DGKI: variants seen among roughly 807,000 people sequenced by gnomAD.
DGKI encodes the protein DAG kinase iota.
DGKI carries 55 observed loss-of-function variants against 147.5 expected under a neutral mutation model. That is an observed-to-expected ratio of 0.37 (90% confidence interval 0.30 to 0.47). The LOEUF (loss-of-function observed/expected upper bound fraction) is 0.47. Among genes scored for constraint, DGKI ranks in the 20% least tolerant of loss-of-function variants. DGKI has a pLI of 1.00. For synonymous variants in DGKI, 469 were observed against 477.1 expected, an observed-to-expected ratio of 0.98 and a Z score of 0.22; for missense variants, 1,007 against 1,323.8, an observed-to-expected ratio of 0.76 and a Z score of 3.71.
intron 10 of DGKI, among the ~76,000 whole-genome samples, chr7:137,603,287 C>T (rs193140553): frequency 3.9e-5 from 6 of 152,154 alleles, no homozygotes; most frequent in Non-Finnish European, 7.3e-5. Flanking sequence ...CATCAATCTT[C>T]ATCAAAGCAC....
At chr7:137,399,681 G>A (rs776652906) in intron 30 of DGKI, among the ~76,000 whole-genome samples, 4 of 152,184 alleles carry the variant, frequency 2.6e-5, no homozygotes, top group African/African-American at 7.2e-5. Flanking sequence ...AGGCCAAGGC[G>A]GGTGGATCAT....
intron 28 of DGKI, among the ~76,000 whole-genome samples, chr7:137,420,397 G>C (rs1383572425): frequency 6.6e-6 from 1 of 152,188 alleles, no homozygotes; most frequent in East Asian, 1.9e-4. Context: ...TTTTTGAAAA[G>C]TACAAACTGT....
chr7:137,756,960 T>C (rs1050920693), intron 1 of DGKI, among the ~76,000 whole-genome samples: 1 of 152,252 alleles, frequency 6.6e-6, no homozygotes, highest in Non-Finnish European at 1.5e-5. Context: ...TCCATATATT[T>C]TGGATGTGTT....
intron 30 of DGKI, among the ~76,000 whole-genome samples, chr7:137,403,621 G>A (rs1172306529): frequency 1.3e-5 from 2 of 152,168 alleles, no homozygotes; most frequent in African/African-American, 2.4e-5. Flanking sequence ...CTGTGCACCT[G>A]GCAAAGAGCC....
intron 1 of DGKI, among the ~76,000 whole-genome samples, chr7:137,724,139 G>T (rs1794652420): frequency 6.6e-6 from 1 of 152,102 alleles, no homozygotes; most frequent in African/African-American, 2.4e-5. Context: ...AACTTGAAAT[G>T]CAAAGTCCCT....
At chr7:137,446,512 G>C (rs1327581521) in intron 27 of DGKI, among the ~76,000 whole-genome samples, 1 of 152,124 alleles carries the variant, frequency 6.6e-6, no homozygotes, top group Admixed American at 6.5e-5. Flanking sequence ...GATCACCTGA[G>C]GTCAGGATTT....
At chr7:137,534,815 T>C (rs1417276797) in intron 20 of DGKI, among the ~76,000 whole-genome samples, 1 of 152,132 alleles carries the variant, frequency 6.6e-6, no homozygotes, top group Non-Finnish European at 1.5e-5. Flanking sequence ...TAAGTTGAAG[T>C]TCTAACCCAT....
At position 137,382,148 on chromosome 7, in the gene DGKI, A is replaced by C. The variant is rs890588656; in HGVS notation, c.*9072T>G. 3 of 152,124 alleles carry C rather than the reference A, an allele frequency of 2.0e-5. No homozygotes were observed. The highest frequency in any genetic ancestry group is 2.9e-5 in the Non-Finnish European group (2 of 68,004). 9.4% of individuals were successfully genotyped at this position (152,124 alleles called of 1,614,324 possible). A position where few individuals can be genotyped will look rare whatever the true frequency, so the allele number is the denominator to read the frequency against. ...AAATTACCTATAAATTTGAAACAAA[A>C]AATAGGGTAAACTGACAGGACTATC... On this transcript the variant is annotated 3_prime_UTR_variant, in exon 33 of 33. Coordinates refer to ENST00000614521, the MANE Select transcript of DGKI (RefSeq NM_001321708.2).
Position 137,401,405 on chromosome 7 carries a change from C to A in DGKI, c.2921-3992G>T, listed in dbSNP as rs539405647. ...AATTAGCTGGGCGTGGTGGTACATG[C>A]CTGTAGTCCCAGCTACTAGGGAGGC... On this transcript the variant is annotated intron_variant, in intron 30 of 32. Transcript: ENST00000614521. Among the ~76,000 whole-genome samples, 232 of 151,742 alleles carry A rather than the reference C, an allele frequency of 1.5e-3. 1 individual carries two copies. Among genetic ancestry groups the A allele is most frequent in the African/African-American group, 5.4e-3 (225 of 41,360 alleles).
chr7:137,599,203 AAGG>A, intron 11 of DGKI, among the ~76,000 whole-genome samples: 1 of 152,276 alleles, frequency 6.6e-6, no homozygotes, highest in African/African-American at 2.4e-5. Context: ...CTCTCCACCA[AAGG>A]AGAGAAGCAG....
At chr7:137,587,252 A>G in intron 12 of DGKI, 42 bp from the exon 13 acceptor site, 1 of 1,476,438 alleles carries the variant, frequency 6.8e-7, no homozygotes, top group African/African-American at 1.4e-5. Context: ...AAGAAAGATA[A>G]ATAAGTTACA....
At chr7:137,480,169 C>T (rs1472478969) in intron 23 of DGKI, among the ~76,000 whole-genome samples, 1 of 152,148 alleles carries the variant, frequency 6.6e-6, no homozygotes, top group Non-Finnish European at 1.5e-5. Context: ...AGACAACAGA[C>T]CTGACCCTAG....
intron 1 of DGKI, among the ~76,000 whole-genome samples, chr7:137,765,781 G>C (rs975358197): frequency 3.3e-5 from 5 of 152,136 alleles, no homozygotes; most frequent in African/African-American, 1.2e-4. Context: ...GGCAGCATAC[G>C]ATACGGAGGC....
chr7:137,457,446 C>A (rs1026136905), intron 27 of DGKI, among the ~76,000 whole-genome samples: 1 of 152,140 alleles, frequency 6.6e-6, no homozygotes, highest in Non-Finnish European at 1.5e-5. Context: ...CAGGCCATAA[C>A]CTAATGTTCC....
intron 1 of DGKI, among the ~76,000 whole-genome samples, chr7:137,836,453 C>T (rs1219172212): frequency 6.6e-6 from 1 of 152,174 alleles, no homozygotes; most frequent in African/African-American, 2.4e-5. Context: ...CCAGACTCTT[C>T]TAAGAATATC....
chr7:137,403,201 A>T (rs1811828189), intron 30 of DGKI, among the ~76,000 whole-genome samples: 1 of 152,172 alleles, frequency 6.6e-6, no homozygotes, highest in South Asian at 2.1e-4. Context: ...TGGAATTATT[A>T]ACTCTTCCTC....
At chr7:137,722,326 A>G in intron 1 of DGKI, 3 of 1,612,728 alleles carry the variant, frequency 1.9e-6, no homozygotes, top group South Asian at 2.2e-5. Flanking sequence ...CAAAATGCCT[A>G]GATATTATCC....
At chr7:137,403,324 A>G (rs1811833388) in intron 30 of DGKI, among the ~76,000 whole-genome samples, 1 of 152,228 alleles carries the variant, frequency 6.6e-6, no homozygotes, top group South Asian at 2.1e-4. Flanking sequence ...CAAGCCGAAA[A>G]AAATTCAAGC....
At chr7:137,516,371 G>T (rs1244768436) in intron 21 of DGKI, among the ~76,000 whole-genome samples, 2 of 152,022 alleles carry the variant, frequency 1.3e-5, no homozygotes, top group Non-Finnish European at 2.9e-5. Context: ...AACAGATAAG[G>T]AAACAGAAGC....
Sources: allele counts gnomAD v4.1 joint callset (sites outside exome capture counted in the v4.1 genomes callset), GRCh38; gene constraint gnomAD v4.1.1; transcripts MANE v1.5; gene names NCBI Gene and HGNC (gene_info 2026-07-23, HGNC 2026-07-21).